Variants in C12orf50 observed in about 807,000 individuals in gnomAD.
C12orf50 encodes zinc finger CCCH-type containing 11D.
A neutral mutation model predicts 61.6 loss-of-function variants in C12orf50; 35 were observed. That is an observed-to-expected ratio of 0.57 (90% confidence interval 0.43 to 0.75). The LOEUF (loss-of-function observed/expected upper bound fraction) is 0.75. Among genes scored for constraint, C12orf50 ranks in the 30% least tolerant of loss-of-function variants. The pLI, the probability that C12orf50 is intolerant of heterozygous loss-of-function variation, is 0.00. For missense variants in C12orf50, 475 were observed against 488.5 expected (o/e 0.97, Z 0.26); for synonymous variants, 178 against 161.5 (o/e 1.10, Z -0.77).
intron 3 of C12orf50, among the ~76,000 whole-genome samples, chr12:88,024,988 G>T (rs1008269910): frequency 2.0e-5 from 3 of 152,134 alleles, no homozygotes; most frequent in African/African-American, 7.2e-5. Flanking sequence ...AAGAAAGAAT[G>T]GGGGAAGGAT....
intron 3 of C12orf50, among the ~76,000 whole-genome samples, chr12:88,006,872 C>CA (rs1305063191): frequency 6.6e-6 from 1 of 152,170 alleles, no homozygotes; most frequent in Non-Finnish European, 1.5e-5. Flanking sequence ...TCACACTAAA[C>CA]AGAGAGGTGG....
At chr12:88,019,295 T>G (rs538726636) in intron 3 of C12orf50, among the ~76,000 whole-genome samples, 3 of 152,334 alleles carry the variant, frequency 2.0e-5, no homozygotes, top group Admixed American at 2.0e-4. Context: ...CTTTCTTTGC[T>G]GCTGCCATCC....
chr12:88,010,311 A>C (rs2032047740), intron 3 of C12orf50, among the ~76,000 whole-genome samples: 1 of 151,670 alleles, frequency 6.6e-6, no homozygotes, highest in South Asian at 2.1e-4. Flanking sequence ...TTGCACTTCC[A>C]TGTAAGTCTT....
intron 12 of C12orf50, among the ~76,000 whole-genome samples, chr12:87,981,466 A>C (rs865996412): frequency 6.6e-6 from 1 of 152,148 alleles, no homozygotes; most frequent in African/African-American, 2.4e-5. Flanking sequence ...AGCAGGTCTG[A>C]GATGGAGATC....
chr12:87,990,904 A>C (rs1320510071), intron 7 of C12orf50, among the ~76,000 whole-genome samples: 2 of 152,142 alleles, frequency 1.3e-5, no homozygotes, highest in Non-Finnish European at 1.5e-5. Context: ...CTAGGAAATA[A>C]GCAAAAACTG....
chr12:88,024,694 T>G (rs2032638820), intron 3 of C12orf50, among the ~76,000 whole-genome samples: 1 of 152,078 alleles, frequency 6.6e-6, no homozygotes. Context: ...GGTGATGAAA[T>G]TATCTGTCCA....
chr12:88,012,165 G>T (rs1332782699), intron 3 of C12orf50, among the ~76,000 whole-genome samples: 1 of 152,196 alleles, frequency 6.6e-6, no homozygotes, highest in Non-Finnish European at 1.5e-5. Context: ...AAGGGAGTCG[G>T]AGTCTCTACA....
rs1393042373 is a variant in C12orf50, at chr12:88,026,426, G to A, written c.133+62C>T. The A allele has an allele frequency of 3.2e-6, 5 of 1,548,538 alleles. No individual in the cohort carries two copies. The East Asian group carries it at 6.8e-5, about 21-fold the overall frequency. ...ATACTTTTTAAATGTGTCATTCTAT[G>A]CTGCTAGTCCAAAACCAGATTAGAA... is the stretch of plus-strand genomic sequence containing the variant. On this transcript the variant is annotated intron_variant, in intron 3 of 12. Transcript: ENST00000298699.
chr12:87,993,059 A>G (rs1401257151), intron 7 of C12orf50, among the ~76,000 whole-genome samples: 1 of 152,130 alleles, frequency 6.6e-6, no homozygotes, highest in Non-Finnish European at 1.5e-5. Context: ...GCTTGACTAT[A>G]CCAGAACTTA....
In C12orf50 at chr12:87,998,164, CCTGAATTTCTTT is replaced by C. The variant is rs1351106275; in HGVS notation, c.148_159del (p.Lys50_Gln53del). 1.4e-5 allele frequency: 23 copies of C among 1,612,326 alleles called. No homozygotes were observed. The highest frequency in any genetic ancestry group is 1.6e-4 in the Middle Eastern group (1 of 6,080). Reference sequence around the variant, plus strand: ...CTCTGGGACTGGAGTGGAATTCCTTCCTGAATTTCTTTCTGTAGTGTGATATCTGCAGAGAAA... The same window carrying C: ...CTCTGGGACTGGAGTGGAATTCCTTCCTGTAGTGTGATATCTGCAGAGAAA... On this transcript the variant is annotated inframe_deletion, in exon 4 of 13. Coordinates refer to ENST00000298699, the MANE Select transcript of C12orf50 (RefSeq NM_152589.3).
intron 7 of C12orf50, among the ~76,000 whole-genome samples, chr12:87,993,704 C>G (rs2031243422): frequency 6.6e-6 from 1 of 152,152 alleles, no homozygotes; most frequent in Non-Finnish European, 1.5e-5. Flanking sequence ...ACTCTTCACA[C>G]ACATTCTTCC....
rs764832965 is a variant in C12orf50 at position 87,994,417 on chromosome 12, GA to G, written c.592+215del. 7.2e-5 allele frequency among the ~76,000 whole-genome samples: 11 copies of G among 151,850 alleles called. 1 individual carries two copies. The East Asian group carries it at 1.7e-3, about 24-fold the overall frequency. ...ACACACAGGTTTCTCATTAAAATAT[GA>G]AAAATGGAATGTCTTATACACTGAA... is the stretch of plus-strand genomic sequence containing the variant. On this transcript the variant is annotated intron_variant, in intron 7 of 12. Coordinates refer to ENST00000298699, the MANE Select transcript of C12orf50 (RefSeq NM_152589.3).
chr12:88,026,433 G>T, intron 3 of C12orf50, 55 bp downstream of exon 3: 1 of 1,576,896 alleles, frequency 6.3e-7, no homozygotes, highest in Non-Finnish European at 8.6e-7. Context: ...TATGCTGCTA[G>T]TCCAAAACCA....
chr12:88,006,350 C>G (rs2031882889), intron 3 of C12orf50, among the ~76,000 whole-genome samples: 1 of 152,166 alleles, frequency 6.6e-6, no homozygotes, highest in African/African-American at 2.4e-5. Context: ...CCATTGTTTT[C>G]AGAGCGTCCC....
chr12:88,004,940 A>G (rs141503479), intron 3 of C12orf50, among the ~76,000 whole-genome samples: 3 of 152,158 alleles, frequency 2.0e-5, no homozygotes, highest in Admixed American at 2.0e-4. Flanking sequence ...TACTATGCTT[A>G]TAACCTGGGT....
chr12:87,985,595 G>A, intron 11 of C12orf50: 1 of 520,466 alleles, frequency 1.9e-6, no homozygotes, highest in South Asian at 2.5e-5. Flanking sequence ...GGAACAAAGT[G>A]CAGTGCTCTG....
chr12:88,021,822 C>G (rs571123963), intron 3 of C12orf50, among the ~76,000 whole-genome samples: 5 of 151,978 alleles, frequency 3.3e-5, no homozygotes, highest in Admixed American at 6.6e-5. Context: ...GAGACCAATA[C>G]TGAGTTCTAT....
At chr12:88,024,508 C>G (rs2032632213) in intron 3 of C12orf50, among the ~76,000 whole-genome samples, 1 of 152,162 alleles carries the variant, frequency 6.6e-6, no homozygotes, top group Non-Finnish European at 1.5e-5. Context: ...GGCCATCATC[C>G]TTAGCAAACT....
chr12:88,019,219 G>C (rs140773523), intron 3 of C12orf50, among the ~76,000 whole-genome samples: 1 of 152,060 alleles, frequency 6.6e-6, no homozygotes, highest in African/African-American at 2.4e-5. Context: ...TGCTGTTCTC[G>C]TGATAGTGAG....
Sources: allele counts gnomAD v4.1 joint callset (sites outside exome capture counted in the v4.1 genomes callset), GRCh38; gene constraint gnomAD v4.1.1; transcripts MANE v1.5; gene names NCBI Gene and HGNC (gene_info 2026-07-23, HGNC 2026-07-21).